ST7: variants seen among roughly 807,000 people sequenced by gnomAD.
ST7 encodes the protein suppression of tumorigenicity 7.
ST7 carries 28 observed loss-of-function variants against 78.7 expected under a neutral mutation model. The ratio of observed to expected loss-of-function variants is 0.36; its 90% CI spans 0.26 to 0.49. ST7 has a LOEUF of 0.49. ST7 is among the 20% of genes least tolerant of loss of function. The pLI is 0.99. For missense variants in ST7, 418 were observed against 696.0 expected (o/e 0.60, Z 4.49); for synonymous variants, 247 against 249.6 (o/e 0.99, Z 0.10).
intron 1 of ST7, among the ~76,000 whole-genome samples, chr7:117,063,740 C>T (rs1427568052): frequency 2.0e-5 from 3 of 152,102 alleles, no homozygotes; most frequent in Admixed American, 2.0e-4. Context: ...ATTCCATCTG[C>T]TGTTTTCTTG....
At chr7:117,228,934 C>G (rs1793612117) in intron 15 of ST7, among the ~76,000 whole-genome samples, 1 of 152,138 alleles carries the variant, frequency 6.6e-6, no homozygotes, top group African/African-American at 2.4e-5. Flanking sequence ...ACTCTCTCTT[C>G]CCTGACTGGG....
chr7:117,003,158 A>AT lies in ST7; in HGVS notation c.151+49477dup, dbSNP rs1033664400. 5.5e-3 allele frequency among the ~76,000 whole-genome samples: 803 copies of AT among 145,872 alleles called. 6 individuals carry two copies. Among genetic ancestry groups the AT allele is most frequent in the African/African-American group, 0.018 (737 of 39,924 alleles). On this transcript the variant is annotated intron_variant, in intron 1 of 15. Transcript: ENST00000323984. Reference sequence around the variant, plus strand: ...TTTTTAGAATGTGTGTATTATTATTATTTTTTTTTTGAGACAAGGTCTTAC... The same window carrying AT: ...TTTTTAGAATGTGTGTATTATTATTATTTTTTTTTTTGAGACAAGGTCTTAC...
At chr7:117,030,083 A>G (rs1796398566) in intron 1 of ST7, among the ~76,000 whole-genome samples, 1 of 152,210 alleles carries the variant, frequency 6.6e-6, no homozygotes, top group Admixed American at 6.5e-5. Flanking sequence ...GATTGAGAGT[A>G]TATTTAATCT....
chr7:116,991,889 A>G (rs1465540883), intron 1 of ST7, among the ~76,000 whole-genome samples: 1 of 152,186 alleles, frequency 6.6e-6, no homozygotes, highest in Non-Finnish European at 1.5e-5. Flanking sequence ...TTCCAATGGG[A>G]GAAATTGGCC....
chr7:117,030,283 C>G (rs1288307756), intron 1 of ST7, among the ~76,000 whole-genome samples: 1 of 151,968 alleles, frequency 6.6e-6, no homozygotes, highest in Non-Finnish European at 1.5e-5. Flanking sequence ...ACTTATATTA[C>G]CCACTGAATA....
intron 1 of ST7, among the ~76,000 whole-genome samples, chr7:117,006,475 T>C (rs1795162600): frequency 6.6e-6 from 1 of 152,254 alleles, no homozygotes; most frequent in South Asian, 2.1e-4. Context: ...GTTTATTCCT[T>C]CTTTATATTT....
At chr7:116,987,815 C>G (rs1301965570) in intron 1 of ST7, among the ~76,000 whole-genome samples, 1 of 152,166 alleles carries the variant, frequency 6.6e-6, no homozygotes, top group East Asian at 1.9e-4. Flanking sequence ...CCTTGGCCTT[C>G]CAGGTTCAAG....
chr7:117,022,456 A>G (rs1246139199), intron 1 of ST7, among the ~76,000 whole-genome samples: 1 of 152,172 alleles, frequency 6.6e-6, no homozygotes, highest in African/African-American at 2.4e-5. Flanking sequence ...ATAAAAGAAG[A>G]TTCCCTAAGT....
intron 1 of ST7, among the ~76,000 whole-genome samples, chr7:117,097,897 TATATATA>T (rs1563078834): frequency 1.0e-3 from 29 of 27,742 alleles, no homozygotes; most frequent in African/African-American, 4.4e-3. Context: ...TATATATATA[TATATATA>T]TATATTTTTT....
At chr7:117,042,535 A>G (rs1338794252) in intron 1 of ST7, among the ~76,000 whole-genome samples, 1 of 152,186 alleles carries the variant, frequency 6.6e-6, no homozygotes, top group Non-Finnish European at 1.5e-5. Flanking sequence ...TAAAAGACAG[A>G]GATTAGACGA....
intron 1 of ST7, among the ~76,000 whole-genome samples, chr7:117,079,284 A>G (rs1301244704): frequency 6.6e-6 from 1 of 152,180 alleles, no homozygotes; most frequent in African/African-American, 2.4e-5. Flanking sequence ...AAATACTATG[A>G]CATTTTATGT....
intron 9 of ST7, among the ~76,000 whole-genome samples, chr7:117,166,146 A>G (rs1167005292): frequency 1.3e-5 from 2 of 152,234 alleles, no homozygotes; most frequent in Middle Eastern, 3.2e-3. Flanking sequence ...ATCATCAACT[A>G]GAAATAACTG....
chr7:117,030,045 C>T (rs1796396141), intron 1 of ST7, among the ~76,000 whole-genome samples: 1 of 151,932 alleles, frequency 6.6e-6, no homozygotes, highest in Non-Finnish European at 1.5e-5. Flanking sequence ...ATTTGCTTGT[C>T]AATTTCTAAA....
At chr7:116,987,419 G>A (rs1794235352) in intron 1 of ST7, among the ~76,000 whole-genome samples, 1 of 152,182 alleles carries the variant, frequency 6.6e-6, no homozygotes, top group African/African-American at 2.4e-5. Context: ...GTTCAAGGCT[G>A]CAGCAAGAAA....
At chr7:117,132,019 C>A in intron 6 of ST7, 59 bp downstream of exon 6, 1 of 1,466,920 alleles carries the variant, frequency 6.8e-7, no homozygotes, top group South Asian at 1.2e-5. Flanking sequence ...TGAATATATT[C>A]AGTTGCCATT....
chr7:117,103,243 G>A (rs978048536), intron 2 of ST7, among the ~76,000 whole-genome samples: 1 of 151,280 alleles, frequency 6.6e-6, no homozygotes, highest in African/African-American at 2.4e-5. Context: ...TACAGAAATA[G>A]AAAAAAAAAT....
intron 1 of ST7, chr7:116,959,604 A>G (rs1472629969): frequency 1.1e-5 from 2 of 179,718 alleles, no homozygotes; most frequent in African/African-American, 4.8e-5. Flanking sequence ...TTGCAGCTTT[A>G]GATTGTGGTC....
intron 2 of ST7, among the ~76,000 whole-genome samples, chr7:117,108,904 C>T (rs369620627): frequency 7.0e-4 from 106 of 152,114 alleles, no homozygotes; most frequent in East Asian, 2.3e-3. Flanking sequence ...TCAGCTTGGT[C>T]GCTGTTGGTG....
chr7:116,965,948 G>C (rs948048293), intron 1 of ST7: 1 of 270,718 alleles, frequency 3.7e-6, no homozygotes, highest in Non-Finnish European at 7.9e-6. Context: ...GGGAAATGTA[G>C]TTGTATAGTA....
Sources: allele counts gnomAD v4.1 joint callset (sites outside exome capture counted in the v4.1 genomes callset), GRCh38; gene constraint gnomAD v4.1.1; transcripts MANE v1.5; gene names NCBI Gene and HGNC (gene_info 2026-07-23, HGNC 2026-07-21).